The following USP13 variants were observed in gnomAD, a reference collection of about 807,000 sequenced individuals.
USP13 encodes the protein ubiquitin specific peptidase 13.
In USP13, 68 loss-of-function variants were observed where a neutral mutation model predicts 107.8. The observed-to-expected ratio is 0.63, with a 90% CI of 0.52 to 0.77. USP13 has a LOEUF of 0.77. Ranked by LOEUF, USP13 falls within the 30% of genes least tolerant of loss-of-function variation. USP13 has a pLI of 0.00. For synonymous variants in USP13, 377 were observed against 389.5 expected (o/e 0.97, Z 0.38); for missense variants, 945 against 1,093.3 (o/e 0.86, Z 1.91).
chr3:179,719,810 G>A lies in USP13; in HGVS notation c.806-130G>A, dbSNP rs556077337. The A allele has an allele frequency of 7.5e-6, 4 of 534,822 alleles. No individual in the cohort carries two copies. The Admixed American group carries it at 1.5e-4, about 21-fold the overall frequency. 33.1% of individuals were successfully genotyped at this position (534,822 alleles called of 1,614,324 possible). ...TCATTCGTCTTTCCTCTTGTTGAATGTTAGAAAGTTTTCGTTTTGTTCAGT... is the reference window on the plus strand; with the variant it reads ...TCATTCGTCTTTCCTCTTGTTGAATATTAGAAAGTTTTCGTTTTGTTCAGT... On this transcript the variant is annotated intron_variant, in intron 6 of 20. Transcript: ENST00000263966.
At chr3:179,752,444 G>C in intron 14 of USP13, 71 bp downstream of exon 14, 1 of 1,184,842 alleles carries the variant, frequency 8.4e-7, no homozygotes, top group Non-Finnish European at 1.3e-6. Context: ...ATGTGAAAGA[G>C]CCCATGTAGT....
At chr3:179,707,687 G>C (rs1035753434) in intron 5 of USP13, among the ~76,000 whole-genome samples, 1 of 152,152 alleles carries the variant, frequency 6.6e-6, no homozygotes, top group Non-Finnish European at 1.5e-5. Flanking sequence ...GTCTTTGGTT[G>C]TCACATTTTG....
At chr3:179,662,257 C>T (rs1397033562) in intron 1 of USP13, among the ~76,000 whole-genome samples, 1 of 152,146 alleles carries the variant, frequency 6.6e-6, no homozygotes, top group Non-Finnish European at 1.5e-5. Flanking sequence ...GAGAATCACT[C>T]TCTAGTTCTT....
Position 179,729,387 on chromosome 3 carries a change from C to T in USP13, c.1089-802C>T, listed in dbSNP as rs185321782. Reference sequence around the variant, plus strand: ...AAGGACAGAGAGGGAAGCCCAAGGACGGGCCCAGTCAAGCAGAGGCTTCAG... The same window carrying T: ...AAGGACAGAGAGGGAAGCCCAAGGATGGGCCCAGTCAAGCAGAGGCTTCAG... On this transcript the variant is annotated intron_variant, in intron 8 of 20. Transcript: ENST00000263966. 3.9e-3 allele frequency among the ~76,000 whole-genome samples: 589 copies of T among 152,280 alleles called. 2 individuals carry two copies. The highest frequency in any genetic ancestry group is 0.014 in the African/African-American group (570 of 41,536).
chr3:179,787,631 G>C lies in USP13; in HGVS notation c.*3490G>C, dbSNP rs1368923012. ...CACTTTTTTTTTTTCTTGAGATGGA[G>C]TCTCGCTGTGTTGCCAAGGCTGGAG... On this transcript the variant is annotated 3_prime_UTR_variant, in exon 21 of 21. Transcript: ENST00000263966. The C allele has an allele frequency of 6.6e-6, 1 of 151,512 alleles. No homozygotes were observed. The allele number at this position is 151,512 out of a possible 1,614,324, so 9.4% of individuals were successfully genotyped here. A position where few individuals can be genotyped will look rare whatever the true frequency, so the allele number is the denominator to read the frequency against.
intron 3 of USP13, among the ~76,000 whole-genome samples, chr3:179,693,932 G>T (rs553676718): frequency 1.3e-5 from 2 of 152,006 alleles, no homozygotes; most frequent in African/African-American, 4.8e-5. Context: ...GCCCACCTTG[G>T]CCTCCCAAAG....
chr3:179,716,460 CTTAT>C (rs1713116410), intron 6 of USP13, among the ~76,000 whole-genome samples: 1 of 152,176 alleles, frequency 6.6e-6, no homozygotes, highest in Non-Finnish European at 1.5e-5. Flanking sequence ...CTCTGCATAT[CTTAT>C]TTAACATTAT....
rs1715858553 is a variant in USP13 at position 179,784,450 on chromosome 3, G to A, written c.*309G>A. 4.3e-6 allele frequency: 1 copy of A among 232,022 alleles called. No individual in the cohort carries two copies. Among genetic ancestry groups the A allele is most frequent in the Non-Finnish European group, 8.4e-6 (1 of 118,394 alleles). The allele number at this position is 232,022 out of a possible 1,614,324, so 14.4% of individuals were successfully genotyped here. On this transcript the variant is annotated 3_prime_UTR_variant, in exon 21 of 21. Transcript: ENST00000263966. ...CCATCAGCACATCAAAAATGGGGAT[G>A]TGCCCCCAGCCCTCTATTTTGCTTT...
chr3:179,762,154 T>C (rs1221282653), intron 17 of USP13, among the ~76,000 whole-genome samples: 1 of 152,252 alleles, frequency 6.6e-6, no homozygotes, highest in African/African-American at 2.4e-5. Flanking sequence ...TTGCCTGTTT[T>C]GGACATTTCA....
intron 19 of USP13, among the ~76,000 whole-genome samples, chr3:179,774,026 C>T (rs1156981300): frequency 6.6e-6 from 1 of 152,122 alleles, no homozygotes; most frequent in Non-Finnish European, 1.5e-5. Flanking sequence ...TTGTTTGGCT[C>T]ATAGCTCTTC....
intron 13 of USP13, among the ~76,000 whole-genome samples, chr3:179,748,243 C>T (rs1465207374): frequency 6.6e-6 from 1 of 152,198 alleles, no homozygotes; most frequent in Non-Finnish European, 1.5e-5. Flanking sequence ...ACTCTAAATG[C>T]CTGCTATCAA....
At chr3:179,741,359 A>C (rs1714193824) in intron 11 of USP13, among the ~76,000 whole-genome samples, 1 of 152,088 alleles carries the variant, frequency 6.6e-6, no homozygotes, top group African/African-American at 2.4e-5. Flanking sequence ...ACTAGGCTGC[A>C]GTGGTTTCTC....
intron 1 of USP13, among the ~76,000 whole-genome samples, chr3:179,667,175 G>T (rs535733294): frequency 1.9e-4 from 29 of 152,246 alleles, no homozygotes; most frequent in African/African-American, 6.7e-4. Context: ...TGGCATTTAC[G>T]GAGTCTTGGG....
intron 6 of USP13, among the ~76,000 whole-genome samples, chr3:179,717,139 C>T (rs1439233541): frequency 6.6e-6 from 1 of 152,124 alleles, no homozygotes; most frequent in Non-Finnish European, 1.5e-5. Flanking sequence ...TCAAAAGTTG[C>T]CTATTTACTA....
intron 1 of USP13, among the ~76,000 whole-genome samples, chr3:179,656,457 A>G (rs1317744419): frequency 6.6e-6 from 1 of 152,248 alleles, no homozygotes; most frequent in East Asian, 1.9e-4. Flanking sequence ...GTGGGATATG[A>G]GTAGTGTATT....
Position 179,788,097 on chromosome 3 carries a change from A to C in USP13, c.*3956A>C, listed in dbSNP as rs1485115104. 3 of 152,194 alleles carry C rather than the reference A, an allele frequency of 2.0e-5. No homozygotes were observed. Among genetic ancestry groups the C allele is most frequent in the African/African-American group, 7.2e-5 (3 of 41,452 alleles). The allele number at this position is 152,194 out of a possible 1,614,324, so 9.4% of individuals were successfully genotyped here. A position where few individuals can be genotyped will look rare whatever the true frequency, so the allele number is the denominator to read the frequency against. ...GGAAACAAAATTCTAATTTAGCTAG[A>C]GCTGTGATCCCCAAATAAGTGCTGA... On this transcript the variant is annotated 3_prime_UTR_variant, in exon 21 of 21. Coordinates refer to ENST00000263966, the MANE Select transcript of USP13 (RefSeq NM_003940.3).
chr3:179,656,632 G>T (rs1322722623), intron 1 of USP13, among the ~76,000 whole-genome samples: 1 of 152,110 alleles, frequency 6.6e-6, no homozygotes, highest in Non-Finnish European at 1.5e-5. Flanking sequence ...TCCATGGTTT[G>T]GTTCATTGTG....
At chr3:179,720,321 G>C (rs1025686039) in intron 7 of USP13, among the ~76,000 whole-genome samples, 1 of 152,140 alleles carries the variant, frequency 6.6e-6, no homozygotes, top group African/African-American at 2.4e-5. Flanking sequence ...ATGGGCAGTC[G>C]TGTGAATCAT....
At chr3:179,677,287 G>T (rs1026656441) in intron 1 of USP13, among the ~76,000 whole-genome samples, 3 of 151,648 alleles carry the variant, frequency 2.0e-5, no homozygotes, top group Admixed American at 2.0e-4. Flanking sequence ...TTCATGTCTG[G>T]TATGTTAAAT....
Sources: allele counts gnomAD v4.1 joint callset (sites outside exome capture counted in the v4.1 genomes callset), GRCh38; gene constraint gnomAD v4.1.1; transcripts MANE v1.5; gene names NCBI Gene and HGNC (gene_info 2026-07-23, HGNC 2026-07-21).